Variants in ACOXL observed in about 807,000 individuals in gnomAD.
ACOXL encodes acyl-CoA oxidase like, also known as acyl-coenzyme A oxidase-like protein.
ACOXL carries 70 observed loss-of-function variants against 71.9 expected under a neutral mutation model. The ratio of observed to expected loss-of-function variants is 0.97; its 90% CI spans 0.80 to 1.19. ACOXL has a LOEUF of 1.19. Among genes scored for constraint, ACOXL ranks in the 50% most tolerant of loss-of-function variants. ACOXL has a pLI of 0.00. For missense variants in ACOXL, 703 were observed against 736.3 expected (o/e 0.95, Z 0.52); for synonymous variants, 253 against 281.6 (o/e 0.90, Z 1.02).
At chr2:110,850,183 CTT>C (rs1692429412) in intron 10 of ACOXL, among the ~76,000 whole-genome samples, 1 of 152,206 alleles carries the variant, frequency 6.6e-6, no homozygotes, top group African/African-American at 2.4e-5. Flanking sequence ...AGAAGAAAAT[CTT>C]TGTGGTCTTG....
intron 1 of ACOXL, among the ~76,000 whole-genome samples, chr2:110,761,873 C>T (rs1680442068): frequency 6.6e-6 from 1 of 152,184 alleles, no homozygotes; most frequent in East Asian, 1.9e-4. Context: ...TGGAGTTTCC[C>T]TATATCTTAT....
intron 17 of ACOXL, among the ~76,000 whole-genome samples, chr2:111,111,998 TA>T (rs1214236628): frequency 5.0e-4 from 76 of 152,314 alleles, no homozygotes; most frequent in African/African-American, 1.7e-3. Context: ...AAGGACATTT[TA>T]AAGGTAAATT....
intron 12 of ACOXL, among the ~76,000 whole-genome samples, chr2:110,945,814 T>G (rs2061082348): frequency 6.6e-6 from 1 of 152,226 alleles, no homozygotes; most frequent in African/African-American, 2.4e-5. Flanking sequence ...TAGGATTGCC[T>G]TAGCTATTCA....
At chr2:110,920,075 A>T (rs1298674684) in intron 11 of ACOXL, among the ~76,000 whole-genome samples, 1 of 152,214 alleles carries the variant, frequency 6.6e-6, no homozygotes, top group Non-Finnish European at 1.5e-5. Flanking sequence ...TGACTAGGGC[A>T]AATACTTGTA....
At chr2:111,046,386 G>T (rs1039778546) in intron 15 of ACOXL, among the ~76,000 whole-genome samples, 12 of 152,170 alleles carry the variant, frequency 7.9e-5, no homozygotes, top group Non-Finnish European at 1.6e-4. Context: ...CCTGGAGAAG[G>T]GTGGTATATT....
chr2:110,888,982 G>A (rs1389386252), intron 10 of ACOXL, among the ~76,000 whole-genome samples: 4 of 152,280 alleles, frequency 2.6e-5, no homozygotes, highest in South Asian at 2.1e-4. Context: ...AACCAAAGAC[G>A]CCAGACCAGT....
chr2:110,824,242 A>G (rs1279677481), intron 9 of ACOXL, among the ~76,000 whole-genome samples: 1 of 152,194 alleles, frequency 6.6e-6, no homozygotes, highest in South Asian at 2.1e-4. Context: ...TCTTTCTCCA[A>G]TGCCTTGCTG....
intron 12 of ACOXL, among the ~76,000 whole-genome samples, chr2:110,958,414 T>C (rs2061582072): frequency 6.6e-6 from 1 of 152,140 alleles, no homozygotes; most frequent in African/African-American, 2.4e-5. Flanking sequence ...GAACCGCTAT[T>C]GGTTCAGGGG....
chr2:111,053,207 A>G (rs2066380624), intron 16 of ACOXL, among the ~76,000 whole-genome samples: 1 of 152,206 alleles, frequency 6.6e-6, no homozygotes, highest in African/African-American at 2.4e-5. Flanking sequence ...ATGCTTGAGA[A>G]TGAACCAACC....
At chr2:110,811,727 GCATACACACACACA>G (rs1304060745) in intron 9 of ACOXL, among the ~76,000 whole-genome samples, 2,223 of 29,300 alleles carry the variant, frequency 0.076, 30 homozygotes, top group East Asian at 0.11. Context: ...TGTTTTTTTT[GCATACACACACACA>G]CACACACACA....
At chr2:110,956,634 G>A (rs1371649015) in intron 12 of ACOXL, among the ~76,000 whole-genome samples, 4 of 152,242 alleles carry the variant, frequency 2.6e-5, no homozygotes, top group East Asian at 1.9e-4. Flanking sequence ...CCGAAGACAC[G>A]GTGCCTCCTG....
At chr2:110,983,380 T>C (rs2062798951) in intron 12 of ACOXL, among the ~76,000 whole-genome samples, 1 of 152,266 alleles carries the variant, frequency 6.6e-6, no homozygotes, top group Admixed American at 6.5e-5. Flanking sequence ...GTTGATGATG[T>C]CATCATTCTG....
intron 11 of ACOXL, among the ~76,000 whole-genome samples, chr2:110,910,768 A>G (rs35766628): frequency 0.011 from 1,644 of 152,152 alleles, 12 homozygotes; most frequent in Admixed American, 0.017. Flanking sequence ...ATCTATTTAA[A>G]TCTCTTGCAT....
At chr2:110,768,513 TGAGA>T (rs1170772823) in intron 2 of ACOXL, 49 bp downstream of exon 2, 5,353 of 885,094 alleles carry the variant, frequency 6.0e-3, no homozygotes, top group African/African-American at 8.7e-3. Context: ...TGTGTGTGTG[TGAGA>T]GAGAGAGAGA....
intron 10 of ACOXL, among the ~76,000 whole-genome samples, chr2:110,903,231 A>C (rs538879427): frequency 6.6e-6 from 1 of 152,238 alleles, no homozygotes; most frequent in Non-Finnish European, 1.5e-5. Context: ...AGAGGGGAGA[A>C]GGCGAATGGC....
chr2:110,853,769 C>T (rs954497632), intron 10 of ACOXL, among the ~76,000 whole-genome samples: 13 of 152,156 alleles, frequency 8.5e-5, no homozygotes, highest in Admixed American at 2.0e-4. Context: ...GGGGAAGGCC[C>T]TGCCTTGTTG....
At chr2:111,010,674 G>A (rs1303873534) in intron 14 of ACOXL, among the ~76,000 whole-genome samples, 1 of 151,958 alleles carries the variant, frequency 6.6e-6, no homozygotes, top group African/African-American at 2.4e-5. Context: ...TAAAAATAAA[G>A]AATAAATCTT....
intron 9 of ACOXL, among the ~76,000 whole-genome samples, chr2:110,810,597 A>T (rs1356991471): frequency 1.3e-5 from 2 of 151,640 alleles, no homozygotes; most frequent in African/African-American, 2.4e-5. Context: ...TCATCCATGC[A>T]TCATTCATCA....
At chr2:110,758,294 G>A (rs2104876933) in intron 1 of ACOXL, among the ~76,000 whole-genome samples, 1 of 152,244 alleles carries the variant, frequency 6.6e-6, no homozygotes, top group Non-Finnish European at 1.5e-5. Flanking sequence ...AGTTACTATA[G>A]CCTTGTAGTA....
Sources: allele counts gnomAD v4.1 joint callset (sites outside exome capture counted in the v4.1 genomes callset), GRCh38; gene constraint gnomAD v4.1.1; transcripts MANE v1.5; gene names NCBI Gene and HGNC (gene_info 2026-07-23, HGNC 2026-07-21).